The following CNTN3 variants were observed in gnomAD, a reference collection of about 807,000 sequenced individuals.
The protein encoded by CNTN3 is contactin 3.
Under a neutral mutation model 119.1 loss-of-function variants are expected in CNTN3, and 60 were observed. That is an observed-to-expected ratio of 0.50 (90% CI 0.41 to 0.62). The LOEUF is 0.62. CNTN3 is among the 20% of genes least tolerant of loss of function. The pLI, the probability that CNTN3 is intolerant of heterozygous loss-of-function variation, is 0.00. For synonymous variants in CNTN3, 450 were observed against 438.7 expected, an observed-to-expected ratio of 1.03 and a Z score of -0.32; for missense variants, 1,101 against 1,242.4, an observed-to-expected ratio of 0.89 and a Z score of 1.71.
At chr3:74,279,275 A>G (rs969854428) in intron 20 of CNTN3, among the ~76,000 whole-genome samples, 12 of 152,194 alleles carry the variant, frequency 7.9e-5, no homozygotes, top group African/African-American at 2.9e-4. Context: ...CCTAGAGGAA[A>G]AAAAGTCATT....
chr3:74,535,349 C>T (rs1358466692), intron 1 of CNTN3, among the ~76,000 whole-genome samples: 2 of 152,048 alleles, frequency 1.3e-5, no homozygotes, highest in Non-Finnish European at 1.5e-5. Flanking sequence ...TGAATTTACA[C>T]CCACAGTATC....
chr3:74,315,134 G>A (rs941117436), intron 13 of CNTN3, among the ~76,000 whole-genome samples: 1 of 152,176 alleles, frequency 6.6e-6, no homozygotes, highest in Admixed American at 6.5e-5. Context: ...ACTCCTGCCA[G>A]TGCCATGACA....
intron 1 of CNTN3, among the ~76,000 whole-genome samples, chr3:74,561,347 T>C (rs976286417): frequency 1.3e-5 from 2 of 152,242 alleles, no homozygotes; most frequent in African/African-American, 4.8e-5. Context: ...TGGTTTCCCA[T>C]TGTCCATGAA....
chr3:74,436,069 T>A (rs1327328901), intron 4 of CNTN3, among the ~76,000 whole-genome samples: 3 of 152,222 alleles, frequency 2.0e-5, no homozygotes, highest in Admixed American at 6.5e-5. Flanking sequence ...TCAACAGATG[T>A]GTATGCATAT....
intron 5 of CNTN3, among the ~76,000 whole-genome samples, chr3:74,401,516 G>GCACA (rs139654677): frequency 8.6e-5 from 13 of 150,604 alleles, no homozygotes; most frequent in African/African-American, 2.9e-4. Flanking sequence ...ACGCGCGCAC[G>GCACA]CACACACACA....
intron 13 of CNTN3, among the ~76,000 whole-genome samples, chr3:74,321,925 G>A (rs757468213): frequency 6.6e-6 from 1 of 152,036 alleles, no homozygotes; most frequent in Non-Finnish European, 1.5e-5. Flanking sequence ...GAAAGCACCA[G>A]GTCCAGATGG....
rs368210379 is a variant in CNTN3 at position 74,495,050 on chromosome 3, T to C, written c.182+4609A>G. On this transcript the variant is annotated intron_variant, in intron 3 of 22. Transcript: ENST00000263665. ...GGCACTGTAGATATTCTTTAGTGTG[T>C]TTATGTTTTGTCTTCATTCCACCAT... Among the ~76,000 whole-genome samples, 41 of 152,112 alleles carry C rather than the reference T, an allele frequency of 2.7e-4. 2 individuals are homozygous for C. The highest frequency in any genetic ancestry group is 9.9e-4 in the African/African-American group (41 of 41,502).
intron 1 of CNTN3, among the ~76,000 whole-genome samples, chr3:74,539,715 G>A (rs1163614725): frequency 6.6e-6 from 1 of 152,110 alleles, no homozygotes; most frequent in Non-Finnish European, 1.5e-5. Flanking sequence ...TGAGCTTACT[G>A]ACACATACTT....
intron 1 of CNTN3, among the ~76,000 whole-genome samples, chr3:74,577,123 G>A (rs11709203): frequency 0.79 from 119,969 of 152,068 alleles, 47,817 homozygotes; most frequent in Non-Finnish European, 0.85. Flanking sequence ...CTACACCCAA[G>A]ACACAAAGTC....
chr3:74,513,748 T>C (rs1207217003), intron 2 of CNTN3, among the ~76,000 whole-genome samples: 5 of 152,114 alleles, frequency 3.3e-5, no homozygotes, highest in African/African-American at 9.7e-5. Flanking sequence ...TTTTGAACTG[T>C]CCTTGTAGTT....
At chr3:74,296,743 C>T (rs976397504) in intron 18 of CNTN3, among the ~76,000 whole-genome samples, 6 of 152,194 alleles carry the variant, frequency 3.9e-5, no homozygotes, top group Admixed American at 2.6e-4. Flanking sequence ...TTATTACTCT[C>T]TTTCACAAGG....
chr3:74,455,794 G>T (rs1323249189), intron 4 of CNTN3, among the ~76,000 whole-genome samples: 1 of 151,848 alleles, frequency 6.6e-6, no homozygotes, highest in Non-Finnish European at 1.5e-5. Flanking sequence ...TGGAAGCCCT[G>T]GTTTTCAAGC....
At position 74,546,514 on chromosome 3, in the gene CNTN3, G is replaced by A. The variant is rs1016873925; in HGVS notation, c.-80-25322C>T. Among the ~76,000 whole-genome samples the A allele has an allele frequency of 3.7e-4, 56 of 152,192 alleles. 1 individual carries two copies. The highest frequency in any genetic ancestry group is 1.6e-3 in the Admixed American group (24 of 15,280). ...AGCACAGCTAGAATAAAAGCGGGCAGAAGAATGTGGAAAGACTAGACTGGC... is the reference window on the plus strand; with the variant it reads ...AGCACAGCTAGAATAAAAGCGGGCAAAAGAATGTGGAAAGACTAGACTGGC... On this transcript the variant is annotated intron_variant, in intron 1 of 22. Transcript: ENST00000263665.
At chr3:74,448,359 C>T (rs1702086181) in intron 4 of CNTN3, among the ~76,000 whole-genome samples, 1 of 152,122 alleles carries the variant, frequency 6.6e-6, no homozygotes, top group Non-Finnish European at 1.5e-5. Context: ...GTGATTAAGA[C>T]ACTTGTCTTG....
At chr3:74,560,104 G>A (rs180677152) in intron 1 of CNTN3, among the ~76,000 whole-genome samples, 33 of 152,246 alleles carry the variant, frequency 2.2e-4, no homozygotes, top group South Asian at 6.2e-4. Context: ...GCTGTGAAAC[G>A]AGATAGCCCA....
chr3:74,419,169 A>T (rs967491003), intron 5 of CNTN3, among the ~76,000 whole-genome samples: 2 of 152,174 alleles, frequency 1.3e-5, no homozygotes, highest in African/African-American at 2.4e-5. Context: ...TGTGCCTAAG[A>T]TGAAGCTGTA....
chr3:74,482,024 A>T (rs754328161), intron 4 of CNTN3, among the ~76,000 whole-genome samples: 21 of 152,078 alleles, frequency 1.4e-4, no homozygotes, highest in South Asian at 1.2e-3. Context: ...TAGGTAAAAC[A>T]TTTCCTCAAA....
chr3:74,394,007 G>A (rs1456085524), intron 5 of CNTN3, among the ~76,000 whole-genome samples: 1 of 152,194 alleles, frequency 6.6e-6, no homozygotes, highest in Non-Finnish European at 1.5e-5. Context: ...AGGAGATATT[G>A]TGCAGCAGAA....
intron 8 of CNTN3, among the ~76,000 whole-genome samples, chr3:74,368,511 TAA>T (rs1017056509): frequency 1.3e-5 from 2 of 152,044 alleles, no homozygotes; most frequent in Non-Finnish European, 1.5e-5. Context: ...ATATTTATTC[TAA>T]GTCATGTTTT....
Sources: allele counts gnomAD v4.1 joint callset (sites outside exome capture counted in the v4.1 genomes callset), GRCh38; gene constraint gnomAD v4.1.1; transcripts MANE v1.5; gene names NCBI Gene and HGNC (gene_info 2026-07-23, HGNC 2026-07-21).